The following THRB variants were observed in gnomAD, a reference collection of about 807,000 sequenced individuals.
THRB encodes the protein nuclear receptor subfamily 1 group A member 2.
In THRB, 12 loss-of-function variants were observed where a neutral mutation model predicts 47.8. That is an observed-to-expected ratio of 0.25 (90% CI 0.16 to 0.41). The LOEUF is 0.41. THRB is among the 10% of genes least tolerant of loss of function. THRB has a pLI of 1.00. For missense variants in THRB, 348 were observed against 589.2 expected (o/e 0.59, Z 4.24); for synonymous variants, 218 against 212.2 (o/e 1.03, Z -0.24).
At chr3:24,441,795 C>A (rs2071551423) in intron 1 of THRB, among the ~76,000 whole-genome samples, 1 of 152,178 alleles carries the variant, frequency 6.6e-6, no homozygotes, top group Non-Finnish European at 1.5e-5. Flanking sequence ...ATTAGAGACT[C>A]CTTCCAAAAC....
At chr3:24,435,090 C>T (rs113669248) in intron 1 of THRB, among the ~76,000 whole-genome samples, 1 of 152,098 alleles carries the variant, frequency 6.6e-6, no homozygotes, top group African/African-American at 2.4e-5. Context: ...ACTGGAGCTG[C>T]CTTCATTGAA....
chr3:24,219,262 A>G lies in THRB; in HGVS notation c.22+9676T>C, dbSNP rs566691791. Among the ~76,000 whole-genome samples the G allele has an allele frequency of 1.3e-3, 202 of 152,260 alleles. 1 individual carries two copies. Among genetic ancestry groups the G allele is most frequent in the Non-Finnish European group, 1.7e-3 (116 of 67,998 alleles). On this transcript the variant is annotated intron_variant, in intron 4 of 10. Transcript: ENST00000646209. ...CATGGCAGTAAGCTGTGATCACACC[A>G]CTGCCTGGGTGACAGAGTGTGAGAC...
chr3:24,400,667 C>T (rs1037911357), intron 1 of THRB, among the ~76,000 whole-genome samples: 2 of 152,044 alleles, frequency 1.3e-5, no homozygotes, highest in Admixed American at 1.3e-4. Context: ...CAGGTTGAAT[C>T]GTAGGTCTAT....
chr3:24,422,044 A>G (rs1207098900), intron 1 of THRB, among the ~76,000 whole-genome samples: 1 of 151,990 alleles, frequency 6.6e-6, no homozygotes, highest in African/African-American at 2.4e-5. Flanking sequence ...ATTCCTGTGC[A>G]TAATTGCTTT....
intron 5 of THRB, among the ~76,000 whole-genome samples, chr3:24,167,551 T>C (rs1180975127): frequency 6.6e-6 from 1 of 152,196 alleles, no homozygotes; most frequent in East Asian, 1.9e-4. Flanking sequence ...TTTTTTTGTC[T>C]GATGTCATTT....
chr3:24,222,094 C>T (rs567244256), intron 4 of THRB, among the ~76,000 whole-genome samples: 14 of 152,298 alleles, frequency 9.2e-5, no homozygotes, highest in Admixed American at 2.6e-4. Flanking sequence ...GTATTAGCTG[C>T]ACAGAAATTC....
chr3:24,414,755 G>A lies in THRB; in HGVS notation c.-260-77384C>T, dbSNP rs527812137. Among the ~76,000 whole-genome samples the A allele has an allele frequency of 2.0e-5, 3 of 151,714 alleles. No homozygotes were observed. The East Asian group carries it at 5.9e-4, about 30-fold the overall frequency. On this transcript the variant is annotated intron_variant, in intron 1 of 10. Coordinates refer to ENST00000646209, the MANE Select transcript of THRB (RefSeq NM_001354712.2). ...TGGAGAGAGATGCATTATATTAGGA[G>A]GAAAATAAAGAAAAACAAATATTTG...
At chr3:24,300,007 G>A (rs1223008038) in intron 2 of THRB, among the ~76,000 whole-genome samples, 1 of 151,778 alleles carries the variant, frequency 6.6e-6, no homozygotes, top group Non-Finnish European at 1.5e-5. Flanking sequence ...CACTTACTCA[G>A]CAATGACTCT....
At chr3:24,359,222 G>A (rs1374032664) in intron 1 of THRB, among the ~76,000 whole-genome samples, 3 of 152,148 alleles carry the variant, frequency 2.0e-5, no homozygotes, top group African/African-American at 7.2e-5. Context: ...TGGTATGGAA[G>A]TACAAGATGG....
chr3:24,212,645 AG>A (rs1168268982), intron 4 of THRB, among the ~76,000 whole-genome samples: 1 of 151,520 alleles, frequency 6.6e-6, no homozygotes, highest in Non-Finnish European at 1.5e-5. Context: ...GGTTTGATCC[AG>A]GCCACTTGGA....
At chr3:24,398,607 G>C (rs1434839681) in intron 1 of THRB, among the ~76,000 whole-genome samples, 1 of 152,146 alleles carries the variant, frequency 6.6e-6, no homozygotes, top group Non-Finnish European at 1.5e-5. Flanking sequence ...TGGAGAAAAA[G>C]GAAGACTTTT....
rs139323708 is a variant in THRB at position 24,129,006 on chromosome 3, C to A, written c.886-1249G>T. On this transcript the variant is annotated intron_variant, in intron 9 of 10. Coordinates refer to ENST00000646209, the MANE Select transcript of THRB (RefSeq NM_001354712.2). Reference sequence around the variant, plus strand: ...GGGAAACGCTCTTGGCAATACTCAACCAGTCCAATTTAGGTTATTATATAA... The same window carrying A: ...GGGAAACGCTCTTGGCAATACTCAAACAGTCCAATTTAGGTTATTATATAA... Among the ~76,000 whole-genome samples the A allele has an allele frequency of 2.1e-3, 320 of 151,472 alleles. 2 individuals are homozygous for A. Among genetic ancestry groups the A allele is most frequent in the African/African-American group, 7.5e-3 (311 of 41,380 alleles).
chr3:24,463,283 CAG>C (rs1424888589), intron 1 of THRB, among the ~76,000 whole-genome samples: 3 of 152,178 alleles, frequency 2.0e-5, no homozygotes, highest in African/African-American at 7.2e-5. Context: ...TATTTTGAGA[CAG>C]AGTCTCATCC....
chr3:24,202,688 C>T (rs766205496), intron 4 of THRB, among the ~76,000 whole-genome samples: 24 of 152,194 alleles, frequency 1.6e-4, no homozygotes, highest in Non-Finnish European at 2.9e-4. Flanking sequence ...AGAGGGCCTA[C>T]TATGTGCCAT....
chr3:24,441,404 A>C (rs934139155), intron 1 of THRB, among the ~76,000 whole-genome samples: 1 of 152,170 alleles, frequency 6.6e-6, no homozygotes, highest in African/African-American at 2.4e-5. Context: ...AGGCATAGTG[A>C]GGAACTGTGG....
intron 3 of THRB, among the ~76,000 whole-genome samples, chr3:24,243,070 A>G (rs1184430998): frequency 6.4e-4 from 2 of 3,128 alleles, no homozygotes; most frequent in Non-Finnish European, 1.7e-3. Flanking sequence ...GCACCTTTGA[A>G]AAAAAAAAAA....
At chr3:24,174,675 A>G (rs2040897844) in intron 5 of THRB, among the ~76,000 whole-genome samples, 1 of 152,160 alleles carries the variant, frequency 6.6e-6, no homozygotes, top group Admixed American at 6.5e-5. Context: ...AATGCTGGCC[A>G]TTTGCAGTTT....
chr3:24,320,649 A>G (rs1468789722), intron 2 of THRB, among the ~76,000 whole-genome samples: 1 of 152,136 alleles, frequency 6.6e-6, no homozygotes, highest in Non-Finnish European at 1.5e-5. Context: ...TCTAGTATTA[A>G]ATATCAAGTG....
At chr3:24,173,609 A>G (rs1236611068) in intron 5 of THRB, among the ~76,000 whole-genome samples, 7 of 152,160 alleles carry the variant, frequency 4.6e-5, no homozygotes, top group Admixed American at 4.6e-4. Context: ...AGCCAAACCT[A>G]TTGATGGTAT....
Sources: gnomAD v4.1 joint callset for allele counts (sites outside exome capture counted in the v4.1 genomes callset) on GRCh38, gnomAD v4.1.1 for gene constraint, MANE v1.5 for transcripts, NCBI Gene and HGNC (gene_info 2026-07-23, HGNC 2026-07-21) for gene names.